AP3B1: variants seen among roughly 807,000 people sequenced by gnomAD.
The protein encoded by AP3B1 is AP-3 complex subunit beta-1.
A neutral mutation model predicts 132.5 loss-of-function variants in AP3B1; 61 were observed. The observed-to-expected ratio is 0.46, with a 90% CI of 0.37 to 0.57. AP3B1 has a LOEUF of 0.57. Ranked by LOEUF, AP3B1 falls within the 20% of genes least tolerant of loss-of-function variation. The probability of loss-of-function intolerance (pLI) is 0.00; values close to 1 mark genes in which losing one functional copy is unlikely to be tolerated. For missense variants in AP3B1, 1,120 were observed against 1,289.4 expected, an observed-to-expected ratio of 0.87 and a Z score of 2.01; for synonymous variants, 388 against 438.3, an observed-to-expected ratio of 0.89 and a Z score of 1.43.
At chr5:78,095,568 G>T (rs1339513459) in intron 21 of AP3B1, among the ~76,000 whole-genome samples, 1 of 152,022 alleles carries the variant, frequency 6.6e-6, no homozygotes, top group Admixed American at 6.6e-5. Context: ...TTTTAATTTG[G>T]GGTTAATGAA....
intron 22 of AP3B1, among the ~76,000 whole-genome samples, chr5:78,060,321 A>G (rs1748989494): frequency 6.6e-6 from 1 of 152,242 alleles, no homozygotes. Context: ...AATCAGGTCT[A>G]TGTGAGAAAA....
chr5:78,024,561 ATTTT>A (rs70997962), intron 24 of AP3B1, among the ~76,000 whole-genome samples: 3 of 113,476 alleles, frequency 2.6e-5, no homozygotes, highest in Admixed American at 1.0e-4. Flanking sequence ...AGCTAATTTA[ATTTT>A]TTTTTTTTTT....
intron 15 of AP3B1, among the ~76,000 whole-genome samples, chr5:78,135,600 G>GTAGA (rs1173297074): frequency 6.6e-4 from 100 of 152,036 alleles, no homozygotes; most frequent in African/African-American, 2.4e-3. Flanking sequence ...AATCCTAGTG[G>GTAGA]TAGATATACA....
intron 26 of AP3B1, 35 bp from the exon 27 acceptor site, chr5:78,003,090 G>T: frequency 1.9e-6 from 3 of 1,607,792 alleles, no homozygotes; most frequent in Non-Finnish European, 2.6e-6. Context: ...TTTATCATAA[G>T]ATGGGGAGGG....
At chr5:78,059,414 C>T (rs1580295298) in intron 22 of AP3B1, among the ~76,000 whole-genome samples, 2 of 152,308 alleles carry the variant, frequency 1.3e-5, no homozygotes, top group South Asian at 2.1e-4. Context: ...TGACTGGAAA[C>T]TAATAAAGGT....
intron 21 of AP3B1, among the ~76,000 whole-genome samples, chr5:78,095,400 C>T (rs903142552): frequency 1.2e-4 from 19 of 152,166 alleles, no homozygotes; most frequent in African/African-American, 4.6e-4. Flanking sequence ...GAACTAAAGC[C>T]ACTGGAGAGT....
At chr5:78,210,397 G>A (rs1561479042) in intron 7 of AP3B1, among the ~76,000 whole-genome samples, 1 of 151,922 alleles carries the variant, frequency 6.6e-6, no homozygotes, top group Non-Finnish European at 1.5e-5. Flanking sequence ...TTATTTTATG[G>A]CTACCACTGA....
chr5:78,200,640 A>G (rs976578538), intron 7 of AP3B1, among the ~76,000 whole-genome samples: 1 of 152,092 alleles, frequency 6.6e-6, no homozygotes, highest in Non-Finnish European at 1.5e-5. Flanking sequence ...GGCAACAGAG[A>G]CCCTGCCTCA....
At chr5:78,236,608 T>A (rs1746889890) in intron 3 of AP3B1, among the ~76,000 whole-genome samples, 1 of 152,158 alleles carries the variant, frequency 6.6e-6, no homozygotes, top group Non-Finnish European at 1.5e-5. Context: ...AAAATACAAG[T>A]AATGACAGAA....
At chr5:78,100,381 G>A (rs1218745325) in intron 21 of AP3B1, among the ~76,000 whole-genome samples, 1 of 152,180 alleles carries the variant, frequency 6.6e-6, no homozygotes, top group Non-Finnish European at 1.5e-5. Flanking sequence ...AGGGGAGGTG[G>A]TAAATACATA....
At chr5:78,097,028 C>T (rs1227403300) in intron 21 of AP3B1, among the ~76,000 whole-genome samples, 16 of 123,204 alleles carry the variant, frequency 1.3e-4, no homozygotes, top group South Asian at 7.3e-4. Flanking sequence ...GTCAGCCCCC[C>T]GCCCGGCCAG....
intron 22 of AP3B1, among the ~76,000 whole-genome samples, chr5:78,065,485 G>A (rs764806342): frequency 1.2e-4 from 18 of 152,166 alleles, no homozygotes; most frequent in Non-Finnish European, 2.1e-4. Context: ...CAGTGCCGGG[G>A]AGACTGGGCG....
chr5:78,080,258 C>T (rs1749935781), intron 22 of AP3B1, among the ~76,000 whole-genome samples: 2 of 152,194 alleles, frequency 1.3e-5, no homozygotes, highest in Admixed American at 1.3e-4. Flanking sequence ...ATCCGCCTGC[C>T]TCAGCCTCCC....
Position 78,274,258 on chromosome 5 carries a change from T to A in AP3B1, c.129-6663A>T, listed in dbSNP as rs116457279. Reference sequence around the variant, plus strand: ...TATAGTATATGAAATTAAGAACTCATTAGATAGGTTTAATGGCAGACTGGA... The same window carrying A: ...TATAGTATATGAAATTAAGAACTCAATAGATAGGTTTAATGGCAGACTGGA... On this transcript the variant is annotated intron_variant, in intron 1 of 26. Coordinates refer to ENST00000255194, the MANE Select transcript of AP3B1 (RefSeq NM_003664.5). Among the ~76,000 whole-genome samples, 926 of 151,430 alleles carry A rather than the reference T, an allele frequency of 6.1e-3. 11 individuals are homozygous for A. Among genetic ancestry groups the A allele is most frequent in the African/African-American group, 0.022 (887 of 41,238 alleles).
chr5:78,061,492 G>T (rs1749053723), intron 22 of AP3B1, among the ~76,000 whole-genome samples: 1 of 152,196 alleles, frequency 6.6e-6, no homozygotes, highest in Non-Finnish European at 1.5e-5. Context: ...AGACTAAGTT[G>T]TCAGTGGCTG....
intron 2 of AP3B1, among the ~76,000 whole-genome samples, chr5:78,265,325 C>T (rs1161752780): frequency 6.6e-6 from 1 of 152,020 alleles, no homozygotes; most frequent in African/African-American, 2.4e-5. Context: ...CATCTGTAGT[C>T]CCTGCTACTC....
chr5:78,008,753 C>T lies in AP3B1; in HGVS notation c.3132-5698G>A, dbSNP rs549241740. Among the ~76,000 whole-genome samples the T allele has an allele frequency of 2.6e-5, 4 of 152,200 alleles. No individual in the cohort carries two copies. The South Asian group carries it at 8.3e-4, about 32-fold the overall frequency. ...AAGAAGGTTGACAGTAGTATCAGGG[C>T]TTATACAATTAGGGCAACAAGATGT... On this transcript the variant is annotated intron_variant, in intron 26 of 26. Coordinates refer to ENST00000255194, the MANE Select transcript of AP3B1 (RefSeq NM_003664.5).
intron 2 of AP3B1, among the ~76,000 whole-genome samples, chr5:78,257,871 T>C: frequency 6.6e-6 from 1 of 151,804 alleles, no homozygotes; most frequent in South Asian, 2.1e-4. Context: ...TCCACACACC[T>C]ACAGAGAACT....
chr5:78,152,439 C>T (rs568865183), intron 14 of AP3B1, among the ~76,000 whole-genome samples: 17 of 152,106 alleles, frequency 1.1e-4, no homozygotes, highest in African/African-American at 3.9e-4. Flanking sequence ...TTTTCCATTT[C>T]CTCTAGATTA....
Sources: gnomAD v4.1 joint callset for allele counts (sites outside exome capture counted in the v4.1 genomes callset) on GRCh38, gnomAD v4.1.1 for gene constraint, MANE v1.5 for transcripts, NCBI Gene and HGNC (gene_info 2026-07-23, HGNC 2026-07-21) for gene names.